STK31: variants seen among roughly 807,000 people sequenced by gnomAD.
STK31 encodes the protein serine/threonine kinase 31, also known as serine/threonine-protein kinase 31.
In STK31, 89 loss-of-function variants were observed where a neutral mutation model predicts 129.7. The observed-to-expected ratio is 0.69, with a 90% CI of 0.58 to 0.82. The LOEUF (loss-of-function observed/expected upper bound fraction) is 0.82. Ranked by LOEUF, STK31 falls within the 40% of genes least tolerant of loss-of-function variation. STK31 has a pLI of 0.00. For synonymous variants in STK31, 448 were observed against 395.3 expected, an observed-to-expected ratio of 1.13 and a Z score of -1.58; for missense variants, 1,187 against 1,176.4, an observed-to-expected ratio of 1.01 and a Z score of -0.13.
intron 15 of STK31, among the ~76,000 whole-genome samples, chr7:23,779,763 C>G (rs765483447): frequency 1.3e-5 from 2 of 152,214 alleles, no homozygotes; most frequent in Non-Finnish European, 2.9e-5. Context: ...TGGATCTTAG[C>G]TTGCTGGGCC....
rs1266975049 is a variant in STK31 at position 23,771,106 on chromosome 7, G to A, written c.1815G>A (p.Lys605=). Residue 605 remains lysine (K), a synonymous_variant, in exon 14 of 24, where the codon AAG becomes AAA. Coordinates refer to ENST00000355870, the MANE Select transcript of STK31 (RefSeq NM_031414.5). ...EERLIATVQA[K]YKDSIEFKKQ... ...GGCTCATTGCCACAGTACAAGCTAAGTACAAGGACAGTATTGAGGTTTGAT... is the reference window on the plus strand; with the variant it reads ...GGCTCATTGCCACAGTACAAGCTAAATACAAGGACAGTATTGAGGTTTGAT... 3 of 1,610,038 alleles carry A rather than the reference G, an allele frequency of 1.9e-6. No individual in the cohort carries two copies. Among genetic ancestry groups the A allele is most frequent in the African/African-American group, 2.7e-5 (2 of 74,590 alleles).
intron 22 of STK31, among the ~76,000 whole-genome samples, chr7:23,802,685 T>C (rs1265588560): frequency 6.6e-6 from 1 of 152,140 alleles, no homozygotes; most frequent in Non-Finnish European, 1.5e-5. Flanking sequence ...GGCTAATTTT[T>C]GTATTTTTAG....
intron 22 of STK31, among the ~76,000 whole-genome samples, chr7:23,800,603 T>G (rs1792307127): frequency 6.7e-6 from 1 of 148,270 alleles, no homozygotes. Flanking sequence ...TGTTGGGGAG[T>G]GGGGGTCTAG....
intron 23 of STK31, among the ~76,000 whole-genome samples, chr7:23,821,572 T>C (rs1358691878): frequency 1.3e-5 from 2 of 152,200 alleles, no homozygotes; most frequent in East Asian, 1.9e-4. Flanking sequence ...ATGAATAGTT[T>C]GCAAATTTTT....
intron 22 of STK31, among the ~76,000 whole-genome samples, chr7:23,811,996 A>G (rs1381332101): frequency 6.6e-6 from 1 of 152,142 alleles, no homozygotes; most frequent in African/African-American, 2.4e-5. Flanking sequence ...GATGAGAAGG[A>G]TAGTCTGTGG....
At chr7:23,748,167 A>G (rs1381691892) in intron 8 of STK31, among the ~76,000 whole-genome samples, 2 of 152,150 alleles carry the variant, frequency 1.3e-5, no homozygotes, top group Admixed American at 1.3e-4. Context: ...TCTTGAAAGT[A>G]TTTTTAAATT....
rs573369375 is a variant in STK31 at position 23,733,541 on chromosome 7, T to G, written c.484-1997T>G. ...ATAAATGTGTCAGCTGGGTGCGGTG[T>G]CTCACGCCTGTAATCCCAGCTCTTT... On this transcript the variant is annotated intron_variant, in intron 6 of 23. Coordinates refer to ENST00000355870, the MANE Select transcript of STK31 (RefSeq NM_031414.5). Among the ~76,000 whole-genome samples, 22 of 152,052 alleles carry G rather than the reference T, an allele frequency of 1.4e-4. No individual in the cohort carries two copies. In the East Asian group the frequency reaches 2.3e-3, roughly 16 times the overall value.
chr7:23,757,413 C>T (rs540942252), intron 10 of STK31, among the ~76,000 whole-genome samples: 6 of 151,972 alleles, frequency 3.9e-5, no homozygotes, highest in East Asian at 1.9e-4. Context: ...TCTACCATCT[C>T]GGAGAGGGGG....
intron 23 of STK31, among the ~76,000 whole-genome samples, chr7:23,821,496 A>G (rs1793781490): frequency 6.6e-6 from 1 of 152,058 alleles, no homozygotes; most frequent in Non-Finnish European, 1.5e-5. Flanking sequence ...TCCTTTGCCC[A>G]CTTTTTAATG....
intron 8 of STK31, among the ~76,000 whole-genome samples, chr7:23,742,714 G>C (rs1453394609): frequency 1.3e-5 from 2 of 152,128 alleles, no homozygotes; most frequent in African/African-American, 4.8e-5. Context: ...TACTTCTGGG[G>C]CTTTCTCTCT....
intron 22 of STK31, among the ~76,000 whole-genome samples, chr7:23,798,490 A>T (rs10215816): frequency 0.4 from 41,699 of 105,286 alleles, 10,130 homozygotes; most frequent in Admixed American, 0.45. Flanking sequence ...ACAGAACCAA[A>T]AACAAAAACC....
In STK31 at chr7:23,815,227, T is replaced by C; in HGVS notation, c.2829+15T>C. ...AGTTTCATCTGGTATGTGACCTTTT[T>C]GACATTTACTGGTTTGAAACACATG... On this transcript the variant is annotated intron_variant, in intron 23 of 23. Coordinates refer to ENST00000355870, the MANE Select transcript of STK31 (RefSeq NM_031414.5). 3.9e-6 allele frequency: 6 copies of C among 1,545,976 alleles called. No individual in the cohort carries two copies. Among genetic ancestry groups the C allele is most frequent in the Non-Finnish European group, 5.3e-6 (6 of 1,139,752 alleles).
chr7:23,771,291 TTTA>T (rs1356953470), intron 14 of STK31, 167 bp downstream of exon 14: 38 of 555,422 alleles, frequency 6.8e-5, no homozygotes, highest in African/African-American at 6.5e-4. Flanking sequence ...TATCAAATTT[TTTA>T]TTGTTTTAAA....
intron 22 of STK31, among the ~76,000 whole-genome samples, chr7:23,810,331 G>GT (rs1793008196): frequency 6.6e-6 from 1 of 151,276 alleles, no homozygotes; most frequent in African/African-American, 2.4e-5. Flanking sequence ...TAGTTGCATT[G>GT]TTTTTTATTT....
In STK31 at chr7:23,818,848, C is replaced by G. The variant is rs370601788; in HGVS notation, c.2829+3636C>G. 4.6e-5 allele frequency among the ~76,000 whole-genome samples: 7 copies of G among 152,136 alleles called. No individual in the cohort carries two copies. In the East Asian group the frequency reaches 9.7e-4, roughly 21 times the overall value. ...CCATTTTGGCCAGGTTGGTCTTGAA[C>G]TCTTGACCTCAAGTGATCCACCTGC... On this transcript the variant is annotated intron_variant, in intron 23 of 23. Transcript: ENST00000355870.
intron 8 of STK31, among the ~76,000 whole-genome samples, 161 bp downstream of exon 8, chr7:23,737,239 A>G (rs1401835227): frequency 1.3e-5 from 2 of 152,172 alleles, no homozygotes; most frequent in African/African-American, 2.4e-5. Flanking sequence ...CATATACTCC[A>G]GACTAATCAT....
chr7:23,820,943 G>T (rs1050786487), intron 23 of STK31, among the ~76,000 whole-genome samples: 2 of 152,120 alleles, frequency 1.3e-5, no homozygotes, highest in Admixed American at 1.3e-4. Context: ...TCCATTGATG[G>T]ACGCTTAGGT....
At chr7:23,780,301 T>C (rs1790838414) in intron 15 of STK31, among the ~76,000 whole-genome samples, 1 of 152,172 alleles carries the variant, frequency 6.6e-6, no homozygotes, top group African/African-American at 2.4e-5. Context: ...AGTATCTGGA[T>C]CCTTGAAATC....
chr7:23,780,874 T>C (rs1222990984), intron 15 of STK31, among the ~76,000 whole-genome samples: 1 of 152,244 alleles, frequency 6.6e-6, no homozygotes, highest in Non-Finnish European at 1.5e-5. Context: ...AATGAGAAGC[T>C]GGTTTGCCTG....
Sources: gnomAD v4.1 joint callset for allele counts (sites outside exome capture counted in the v4.1 genomes callset) on GRCh38, gnomAD v4.1.1 for gene constraint, MANE v1.5 for transcripts, NCBI Gene and HGNC (gene_info 2026-07-23, HGNC 2026-07-21) for gene names.